REV1: variants seen among roughly 807,000 people sequenced by gnomAD.
REV1 encodes the protein translesion synthesis protein REV1.
A neutral mutation model predicts 137.4 loss-of-function variants in REV1; 42 were observed. That is an observed-to-expected ratio of 0.31 (90% CI 0.24 to 0.40). The LOEUF (loss-of-function observed/expected upper bound fraction) is 0.40. Among genes scored for constraint, REV1 ranks in the 10% least tolerant of loss-of-function variants. The probability of loss-of-function intolerance (pLI) is 1.00; values close to 1 mark genes in which losing one functional copy is unlikely to be tolerated. For synonymous variants in REV1, 524 were observed against 519.2 expected (o/e 1.01, Z -0.12); for missense variants, 1,282 against 1,490.1 (o/e 0.86, Z 2.30).
intron 3 of REV1, among the ~76,000 whole-genome samples, chr2:99,462,285 T>C (rs780432511): frequency 6.6e-6 from 1 of 152,180 alleles, no homozygotes; most frequent in East Asian, 1.9e-4. Flanking sequence ...ACGTGACTTT[T>C]TGAAACTATG....
intron 3 of REV1, among the ~76,000 whole-genome samples, chr2:99,455,519 C>T (rs1683437658): frequency 6.6e-6 from 1 of 152,152 alleles, no homozygotes; most frequent in Non-Finnish European, 1.5e-5. Flanking sequence ...TGAGTACCAA[C>T]TAGGTGCAAA....
At chr2:99,426,455 A>G (rs1346014080) in intron 9 of REV1, among the ~76,000 whole-genome samples, 1 of 152,222 alleles carries the variant, frequency 6.6e-6, no homozygotes, top group African/African-American at 2.4e-5. Flanking sequence ...TCCGAAGCAC[A>G]TTACTTAGTA....
At chr2:99,477,931 T>C (rs2104199380) in intron 1 of REV1, among the ~76,000 whole-genome samples, 1 of 152,290 alleles carries the variant, frequency 6.6e-6, no homozygotes, top group Non-Finnish European at 1.5e-5. Flanking sequence ...AGAGACACTG[T>C]TTTAATAAAG....
intron 1 of REV1, among the ~76,000 whole-genome samples, chr2:99,479,341 A>AAC (rs1397901636): frequency 6.6e-6 from 1 of 151,436 alleles, no homozygotes; most frequent in African/African-American, 2.4e-5. Flanking sequence ...AAAAAAAAAA[A>AAC]AAACAAAAAG....
chr2:99,415,634 TG>T (rs1187682160), intron 12 of REV1, among the ~76,000 whole-genome samples: 2 of 152,256 alleles, frequency 1.3e-5, no homozygotes, highest in Non-Finnish European at 2.9e-5. Context: ...AGTGAGGAAC[TG>T]AACTGGTAGT....
intron 12 of REV1, among the ~76,000 whole-genome samples, chr2:99,417,133 T>C (rs1678004523): frequency 6.6e-6 from 1 of 152,094 alleles, no homozygotes; most frequent in Admixed American, 6.5e-5. Flanking sequence ...ACCATGTGAC[T>C]GTATTTGTTT....
intron 3 of REV1, among the ~76,000 whole-genome samples, chr2:99,453,501 C>A (rs1224209804): frequency 6.6e-6 from 1 of 152,178 alleles, no homozygotes; most frequent in Non-Finnish European, 1.5e-5. Flanking sequence ...TTTTGCAATT[C>A]ATAATCCCTC....
At chr2:99,484,225 G>C (rs1439540894) in intron 1 of REV1, among the ~76,000 whole-genome samples, 1 of 152,194 alleles carries the variant, frequency 6.6e-6, no homozygotes, top group Non-Finnish European at 1.5e-5. Context: ...GTCTACTTAA[G>C]CGTGGAGGGT....
intron 12 of REV1, among the ~76,000 whole-genome samples, chr2:99,414,685 C>G (rs908554984): frequency 2.6e-5 from 4 of 152,214 alleles, no homozygotes; most frequent in African/African-American, 9.6e-5. Context: ...GACTTCTTAA[C>G]ATCAGGGAAG....
chr2:99,437,020 A>C (rs1214368774), intron 6 of REV1, among the ~76,000 whole-genome samples: 3 of 139,448 alleles, frequency 2.2e-5, no homozygotes, highest in Non-Finnish European at 3.0e-5. Flanking sequence ...ATAGGGTCTC[A>C]CTCTGCTGCC....
chr2:99,485,027 G>A (rs1474595915), intron 1 of REV1, among the ~76,000 whole-genome samples: 1 of 152,078 alleles, frequency 6.6e-6, no homozygotes, highest in African/African-American at 2.4e-5. Flanking sequence ...TTAAATTTTG[G>A]AAGAAATGTT....
intron 15 of REV1, chr2:99,406,771 T>G (rs1676350581): frequency 4.3e-6 from 1 of 229,974 alleles, no homozygotes; most frequent in Non-Finnish European, 8.3e-6. Flanking sequence ...AGTGGAATAC[T>G]GTATTCCACT....
At chr2:99,437,098 G>C (rs1420736603) in intron 6 of REV1, among the ~76,000 whole-genome samples, 1 of 150,838 alleles carries the variant, frequency 6.6e-6, no homozygotes, top group East Asian at 2.0e-4. Context: ...TCCCGCCTCA[G>C]CCTCCCAAGT....
intron 3 of REV1, among the ~76,000 whole-genome samples, chr2:99,457,844 C>T (rs1172670835): frequency 6.6e-6 from 1 of 151,908 alleles, no homozygotes; most frequent in Non-Finnish European, 1.5e-5. Context: ...AAGGAACAGA[C>T]ACAAACATCA....
At chr2:99,406,293 C>G (rs763322886) in intron 16 of REV1, 32 bp downstream of exon 16, 7 of 1,574,892 alleles carry the variant, frequency 4.4e-6, no homozygotes, top group Non-Finnish European at 6.0e-6. Context: ...ATAAGCAGCA[C>G]CTAAAAAAGA....
chr2:99,443,866 G>A (rs1442792079), intron 4 of REV1, among the ~76,000 whole-genome samples: 4 of 149,568 alleles, frequency 2.7e-5, no homozygotes, highest in Non-Finnish European at 4.4e-5. Flanking sequence ...TTTTTGAGAC[G>A]GAGTCTCGCT....
chr2:99,401,981 A>G (rs1349805713), intron 22 of REV1, among the ~76,000 whole-genome samples: 1 of 151,858 alleles, frequency 6.6e-6, no homozygotes, highest in Non-Finnish European at 1.5e-5. Flanking sequence ...CGATCCACCC[A>G]CCCCAGCCTC....
chr2:99,483,716 T>C (rs1167432690), intron 1 of REV1, among the ~76,000 whole-genome samples: 4 of 152,184 alleles, frequency 2.6e-5, no homozygotes. Context: ...TTTTCCACCC[T>C]CTTGAATATG....
chr2:99,432,784 T>C, intron 8 of REV1, among the ~76,000 whole-genome samples: 1 of 152,216 alleles, frequency 6.6e-6, no homozygotes, highest in East Asian at 1.9e-4. Context: ...AGAAGGTCAT[T>C]AAAATGTTAT....
Sources: allele counts gnomAD v4.1 joint callset (sites outside exome capture counted in the v4.1 genomes callset), GRCh38; gene constraint gnomAD v4.1.1; transcripts MANE v1.5; gene names NCBI Gene and HGNC (gene_info 2026-07-23, HGNC 2026-07-21).